Variants in LRRC56 observed in about 807,000 individuals in gnomAD.
LRRC56 encodes the protein leucine rich repeat containing 56, also known as leucine-rich repeat-containing protein 56.
In LRRC56, 41 loss-of-function variants were observed where a neutral mutation model predicts 47.8. That is an observed-to-expected ratio of 0.86 (90% CI 0.67 to 1.11). LRRC56 has a LOEUF of 1.11. Among genes scored for constraint, LRRC56 ranks in the 50% most tolerant of loss-of-function variants. LRRC56 has a pLI of 0.00. For synonymous variants in LRRC56, 387 were observed against 311.2 expected (o/e 1.24, Z -2.56); for missense variants, 759 against 704.2 (o/e 1.08, Z -0.88).
At chr11:540,548 TG>T in intron 3 of LRRC56, 125 bp from the exon 4 acceptor site, 1 of 569,612 alleles carries the variant, frequency 1.8e-6, no homozygotes, top group Non-Finnish European at 2.6e-6. Flanking sequence ...AGGCTCGGGG[TG>T]GGGGTGGGTG....
chr11:509,737 G>A, the LRRC56 span, among the ~76,000 whole-genome samples: 1 of 49,512 alleles, frequency 2.0e-5, no homozygotes, highest in Non-Finnish European at 4.2e-5. Flanking sequence ...TTTTTTTTTT[G>A]TAATTTTAAT....
At chr11:521,776 G>A in the LRRC56 span, among the ~76,000 whole-genome samples, 10 of 152,178 alleles carry the variant, frequency 6.6e-5, no homozygotes, top group South Asian at 1.9e-3. Flanking sequence ...TTAGCTGGAC[G>A]TGGTGGCGAG....
chr11:514,977 C>T, the LRRC56 span, among the ~76,000 whole-genome samples: 4 of 152,210 alleles, frequency 2.6e-5, no homozygotes, highest in African/African-American at 4.8e-5. Context: ...ACAGGGCTGC[C>T]TTGTCACCAC....
the LRRC56 span, among the ~76,000 whole-genome samples, chr11:530,463 GGAGAGAAGGGCGAGTGTGGCGTCCCCT>G: frequency 7.2e-6 from 1 of 138,742 alleles, no homozygotes; most frequent in African/African-American, 2.8e-5. Flanking sequence ...GGCGTCCCCT[GGAGAGAAGGGCGAGTGTGGCGTCCCCT>G]GGAGAGAAGG....
intron 13 of LRRC56, among the ~76,000 whole-genome samples, chr11:553,200 T>C (rs1340230577): frequency 2.0e-5 from 3 of 152,214 alleles, no homozygotes; most frequent in African/African-American, 4.8e-5. Flanking sequence ...AGCCATGCAG[T>C]GCCCTTTACG....
At chr11:532,760 G>C (rs370181298), upstream of LRRC56, 21 of 1,612,184 alleles carry the variant, frequency 1.3e-5, no homozygotes, top group Non-Finnish European at 1.7e-5. Context: ...CACTCCCTGG[G>C]AAAGGAGGGA....
chr11:551,894 C>T lies in LRRC56; in HGVS notation c.974-9C>T, dbSNP rs770659635. 1.2e-6 allele frequency: 2 copies of T among 1,612,598 alleles called. No individual in the cohort carries two copies. The highest frequency in any genetic ancestry group is 1.7e-6 in the Non-Finnish European group (2 of 1,179,846). On this transcript the variant is annotated splice_polypyrimidine_tract_variant and intron_variant, in intron 10 of 13. Transcript: ENST00000270115. ...CCCGAACCAGGCCCAGCCATGCTGT[C>T]TCTTGCAGGTGCTGGCCAAGTCCTC...
intron 2 of LRRC56, among the ~76,000 whole-genome samples, 196 bp from the exon 3 acceptor site, chr11:539,384 C>CTTTTTTTTTTT (rs35782858): frequency 1.1e-5 from 1 of 92,452 alleles, no homozygotes; most frequent in Admixed American, 1.3e-4. Context: ...CGCACCCAGC[C>CTTTTTTTTTTT]TTTTTTTTTT....
chr11:543,483 G>C (rs1308128291), intron 5 of LRRC56, among the ~76,000 whole-genome samples: 1 of 152,094 alleles, frequency 6.6e-6, no homozygotes, highest in Non-Finnish European at 1.5e-5. Flanking sequence ...CCAAAGTGCT[G>C]AGATTATAGG....
the LRRC56 span, among the ~76,000 whole-genome samples, chr11:523,354 C>T: frequency 2.7e-5 from 4 of 147,990 alleles, no homozygotes; most frequent in African/African-American, 4.9e-5. Context: ...ATCTGGGGGC[C>T]GGGCGTGGTG....
chr11:518,187 AT>A, the LRRC56 span, among the ~76,000 whole-genome samples: 117 of 147,434 alleles, frequency 7.9e-4, no homozygotes, highest in South Asian at 1.3e-3. Context: ...TAATAATAAA[AT>A]TTTTTTTTTT....
the LRRC56 span, among the ~76,000 whole-genome samples, chr11:515,921 C>T: frequency 4.6e-5 from 7 of 152,162 alleles, no homozygotes; most frequent in African/African-American, 1.7e-4. Context: ...TGTGTAGCCC[C>T]GTCATTCTAG....
Position 540,697 on chromosome 11 carries a change from T to C in LRRC56, c.13T>C (p.Trp5Arg), listed in dbSNP as rs753405334. Residue 5 changes from tryptophan (W) to arginine (R), a missense_variant, in exon 4 of 14, where the codon TGG (tryptophan) becomes CGG (arginine). By Grantham distance (101) the Trp-to-Arg change is moderately radical. Transcript: ENST00000270115. ...AGGTGACATGTGAATGGATCTGGGCTGGGACAGATCCCGTGGGCCTCGGCG... is the reference window on the plus strand; with the variant it reads ...AGGTGACATGTGAATGGATCTGGGCCGGGACAGATCCCGTGGGCCTCGGCG... Reference protein sequence around the residue: MDLGWDRSRGPRRST... With the variant: MDLGRDRSRGPRRST... 1.9e-6 allele frequency: 3 copies of C among 1,612,758 alleles called. No individual in the cohort carries two copies. The highest frequency in any genetic ancestry group is 1.7e-5 in the Admixed American group (1 of 59,962).
the LRRC56 span, among the ~76,000 whole-genome samples, chr11:513,730 G>A: frequency 4.6e-5 from 7 of 151,060 alleles, no homozygotes; most frequent in Admixed American, 4.6e-4. Flanking sequence ...GGGTGTGGTG[G>A]AGAATCACTT....
rs1235454658 is a variant in LRRC56 at position 552,573 on chromosome 11, C to T, written c.1186C>T (p.Leu396Phe). ...CTCCTCCTCTCCCCACCCTAGCCCCCTCCCCTATAGGCACCCGGAGTCCCA... is the reference window on the plus strand; with the variant it reads ...CTCCTCCTCTCCCCACCCTAGCCCCTTCCCCTATAGGCACCCGGAGTCCCA... Reference protein sequence around the residue: ...RAWREHGVRPLPYRHPESQQE... With the variant: ...RAWREHGVRPFPYRHPESQQE... The change falls in exon 13 of 14, where the codon CTC becomes TTC. Residue 396 changes from leucine (L) to phenylalanine (F), a missense_variant. Coordinates refer to ENST00000270115, the MANE Select transcript of LRRC56 (RefSeq NM_198075.4). 2 of 1,602,256 alleles carry T rather than the reference C, an allele frequency of 1.2e-6. No homozygotes were observed. Among genetic ancestry groups the T allele is most frequent in the Non-Finnish European group, 1.7e-6 (2 of 1,174,840 alleles).
chr11:552,374 T>G, intron 12 of LRRC56, 142 bp downstream of exon 12: 1 of 1,306,060 alleles, frequency 7.7e-7, no homozygotes, highest in Non-Finnish European at 1.1e-6. Flanking sequence ...GGATCAGGGC[T>G]GGGGCTACCT....
the LRRC56 span, among the ~76,000 whole-genome samples, chr11:522,252 GTTTT>G: frequency 2.0e-5 from 3 of 151,072 alleles, no homozygotes; most frequent in Non-Finnish European, 4.4e-5. Context: ...CTGATTTCTG[GTTTT>G]TTTGTTTTGT....
upstream of LRRC56, chr11:534,518 C>T (rs1228180888): frequency 1.7e-6 from 1 of 602,224 alleles, no homozygotes; most frequent in Non-Finnish European, 3.0e-6. Context: ...GCGTGCCTAC[C>T]TGTGCAGCTG....
At chr11:544,036 C>T (rs1851943169) in intron 5 of LRRC56, among the ~76,000 whole-genome samples, 1 of 152,280 alleles carries the variant, frequency 6.6e-6, no homozygotes, top group South Asian at 2.1e-4. Context: ...GCGTGAGCCA[C>T]CGCACCCAGC....
Sources: gnomAD v4.1 joint callset for allele counts (sites outside exome capture counted in the v4.1 genomes callset) on GRCh38, gnomAD v4.1.1 for gene constraint, MANE v1.5 for transcripts, NCBI Gene and HGNC (gene_info 2026-07-23, HGNC 2026-07-21) for gene names.